DAPK1: variants seen among roughly 807,000 people sequenced by gnomAD.
DAPK1 encodes death associated protein kinase 1.
Under a neutral mutation model 144.9 loss-of-function variants are expected in DAPK1, and 56 were observed. The ratio of observed to expected loss-of-function variants is 0.39; its 90% confidence interval spans 0.31 to 0.48. DAPK1 has a LOEUF of 0.48. DAPK1 is among the 20% of genes least tolerant of loss of function. DAPK1 has a pLI of 0.95. For synonymous variants in DAPK1, 690 were observed against 749.0 expected, an observed-to-expected ratio of 0.92 and a Z score of 1.29; for missense variants, 1,454 against 1,875.4, an observed-to-expected ratio of 0.78 and a Z score of 4.15.
chr9:87,658,323 C>T (rs902674510), intron 18 of DAPK1, among the ~76,000 whole-genome samples, 196 bp downstream of exon 18: 4 of 152,236 alleles, frequency 2.6e-5, no homozygotes, highest in Admixed American at 2.0e-4. Flanking sequence ...AATGTTCGTC[C>T]TCTTCTCATC....
chr9:87,600,561 A>G (rs1216562051), intron 2 of DAPK1, among the ~76,000 whole-genome samples: 2 of 152,188 alleles, frequency 1.3e-5, no homozygotes, highest in Admixed American at 6.5e-5. Flanking sequence ...TCACCACACT[A>G]CAGCCTGCGC....
intron 3 of DAPK1, among the ~76,000 whole-genome samples, chr9:87,631,560 T>A (rs1187197535): frequency 6.6e-6 from 1 of 152,232 alleles, no homozygotes; most frequent in Non-Finnish European, 1.5e-5. Flanking sequence ...AAACACTGAC[T>A]CAAAGCCCTA....
At chr9:87,685,848 A>G (rs1447631667) in intron 20 of DAPK1, among the ~76,000 whole-genome samples, 1 of 152,240 alleles carries the variant, frequency 6.6e-6, no homozygotes, top group Non-Finnish European at 1.5e-5. Flanking sequence ...AAGTAAAAAT[A>G]AATGCAGTGA....
At chr9:87,622,866 G>A (rs1430351975) in intron 3 of DAPK1, among the ~76,000 whole-genome samples, 2 of 151,990 alleles carry the variant, frequency 1.3e-5, no homozygotes, top group Non-Finnish European at 2.9e-5. Flanking sequence ...ACCCGAGATT[G>A]CACCACTGCA....
chr9:87,694,438 G>C (rs964103291), intron 21 of DAPK1, among the ~76,000 whole-genome samples: 3 of 152,202 alleles, frequency 2.0e-5, no homozygotes, highest in African/African-American at 4.8e-5. Context: ...CAGGTCCCCT[G>C]GTGGTGCATG....
At chr9:87,502,408 A>G (rs996922651) in intron 2 of DAPK1, among the ~76,000 whole-genome samples, 5 of 152,070 alleles carry the variant, frequency 3.3e-5, no homozygotes, top group Admixed American at 3.3e-4. Context: ...AGTCTCTGGG[A>G]GGAGTTCTTA....
intron 2 of DAPK1, among the ~76,000 whole-genome samples, chr9:87,533,699 G>A (rs1469241474): frequency 1.3e-5 from 2 of 152,100 alleles, no homozygotes; most frequent in African/African-American, 4.8e-5. Context: ...GTCTCACTCT[G>A]TCACCCAGGC....
chr9:87,698,769 T>C lies in DAPK1; in HGVS notation c.2725T>C (p.Ser909Pro). The change falls in exon 23 of 26, where the codon TCG (serine) becomes CCG (proline). Residue 909 changes from serine (S) to proline (P), a missense_variant. Transcript: ENST00000408954. Reference sequence around the variant, plus strand: ...CGAGTTTGGATATGACAAAGACACATCGTTGCTGAAAGAGATTAGGAACAG... The same window carrying C: ...CGAGTTTGGATATGACAAAGACACACCGTTGCTGAAAGAGATTAGGAACAG... ...GGEFGYDKDT[S>P]LLKEIRNRFG... The C allele has an allele frequency of 6.2e-7, 1 of 1,608,164 alleles. No homozygotes were observed.
chr9:87,506,036 C>T (rs190771236), intron 2 of DAPK1, among the ~76,000 whole-genome samples: 2 of 152,326 alleles, frequency 1.3e-5, no homozygotes, highest in African/African-American at 4.8e-5. Context: ...CATTGCCTCC[C>T]TTCACATTTT....
chr9:87,511,837 A>G (rs1030382936), intron 2 of DAPK1, among the ~76,000 whole-genome samples: 1 of 151,552 alleles, frequency 6.6e-6, no homozygotes, highest in Admixed American at 6.6e-5. Context: ...CAACCTCCCA[A>G]GTAGCTGGGA....
intron 2 of DAPK1, among the ~76,000 whole-genome samples, chr9:87,579,605 G>A (rs1167659295): frequency 6.6e-6 from 1 of 152,126 alleles, no homozygotes; most frequent in Non-Finnish European, 1.5e-5. Context: ...CACTTGGGAG[G>A]TAGAAAAGCT....
chr9:87,666,290 G>A (rs780291662), intron 18 of DAPK1, among the ~76,000 whole-genome samples: 17 of 152,118 alleles, frequency 1.1e-4, no homozygotes, highest in Non-Finnish European at 2.1e-4. Flanking sequence ...CCACATAGCC[G>A]GTGAGGGGTG....
chr9:87,693,072 A>G (rs1353034386), intron 21 of DAPK1, among the ~76,000 whole-genome samples: 4 of 135,254 alleles, frequency 3.0e-5, no homozygotes, highest in African/African-American at 1.1e-4. Context: ...TTTCGATTGT[A>G]TCTGTTTGGA....
chr9:87,696,395 G>A (rs1266368071), intron 21 of DAPK1, among the ~76,000 whole-genome samples: 5 of 152,074 alleles, frequency 3.3e-5, no homozygotes, highest in African/African-American at 9.7e-5. Flanking sequence ...CGTGACACAA[G>A]TCGATCTGCA....
intron 22 of DAPK1, 44 bp from the exon 23 acceptor site, chr9:87,698,612 G>GT: frequency 7.1e-7 from 1 of 1,407,250 alleles, no homozygotes; most frequent in African/African-American, 1.4e-5. Context: ...AGGCAGCCAG[G>GT]TAGGAGGACC....
chr9:87,704,622 G>C (rs951886072), intron 25 of DAPK1, among the ~76,000 whole-genome samples: 3 of 152,232 alleles, frequency 2.0e-5, no homozygotes, highest in African/African-American at 7.2e-5. Flanking sequence ...CTATGGGACA[G>C]TTTCGTCTTT....
intron 2 of DAPK1, among the ~76,000 whole-genome samples, chr9:87,528,509 C>A (rs552182321): frequency 6.6e-6 from 1 of 152,268 alleles, no homozygotes; most frequent in East Asian, 1.9e-4. Context: ...TGAGCCACCA[C>A]GCCCGGCCTA....
chr9:87,534,245 A>C (rs1563979700), intron 2 of DAPK1, among the ~76,000 whole-genome samples: 1 of 103,312 alleles, frequency 9.7e-6, no homozygotes, highest in Non-Finnish European at 1.8e-5. Context: ...TCATTTTGAC[A>C]GTTTTTTTTT....
At position 87,512,242 on chromosome 9, in the gene DAPK1, C is replaced by A. The variant is rs184595799; in HGVS notation, c.62+13103C>A. Reference sequence around the variant, plus strand: ...CTGGCTTAAAAGCCATCTTAAGTGGCCAAATAAGACACTGGGAATTTGATT... The same window carrying A: ...CTGGCTTAAAAGCCATCTTAAGTGGACAAATAAGACACTGGGAATTTGATT... On this transcript the variant is annotated intron_variant, in intron 2 of 25. Coordinates refer to ENST00000408954, the MANE Select transcript of DAPK1 (RefSeq NM_004938.4). Among the ~76,000 whole-genome samples the A allele has an allele frequency of 2.6e-4, 39 of 152,078 alleles. 1 individual carries two copies. Among genetic ancestry groups the A allele is most frequent in the Middle Eastern group, 3.4e-3 (1 of 294 alleles).
Sources: gnomAD v4.1 joint callset for allele counts (sites outside exome capture counted in the v4.1 genomes callset) on GRCh38, gnomAD v4.1.1 for gene constraint, MANE v1.5 for transcripts, NCBI Gene and HGNC (gene_info 2026-07-23, HGNC 2026-07-21) for gene names.